The following CCNH variants were observed in gnomAD, a reference collection of about 807,000 sequenced individuals.
CCNH encodes cyclin-H.
CCNH carries 31 observed loss-of-function variants against 41.9 expected under a neutral mutation model. That is an observed-to-expected ratio of 0.74 (90% CI 0.56 to 1.00). The LOEUF is 1.00. Ranked by LOEUF, CCNH falls within the 50% of genes least tolerant of loss-of-function variation. CCNH has a pLI of 0.00. For missense variants in CCNH, 362 were observed against 388.4 expected, an observed-to-expected ratio of 0.93 and a Z score of 0.57; for synonymous variants, 138 against 136.1, an observed-to-expected ratio of 1.01 and a Z score of -0.10.
At chr5:87,349,988 A>G (rs1321442580) in intron 9 of CCNH, among the ~76,000 whole-genome samples, 3 of 151,918 alleles carry the variant, frequency 2.0e-5, no homozygotes, top group Non-Finnish European at 2.9e-5. Flanking sequence ...AGGTTTTCCT[A>G]TAACTAATAA....
At chr5:87,341,448 G>C (rs1235544044) in intron 9 of CCNH, 3 of 479,344 alleles carry the variant, frequency 6.3e-6, no homozygotes, top group South Asian at 1.0e-4. Flanking sequence ...ATTTGGCTTA[G>C]GGAACTGATT....
At chr5:87,318,117 C>T (rs933106979), downstream of CCNH, among the ~76,000 whole-genome samples, 10 of 152,082 alleles carry the variant, frequency 6.6e-5, no homozygotes, top group African/African-American at 2.2e-4. Flanking sequence ...CATTTTGAAG[C>T]GTGCTTTCAT....
intron 9 of CCNH, among the ~76,000 whole-genome samples, chr5:87,334,572 T>G (rs1490609547): frequency 6.6e-6 from 1 of 152,216 alleles, no homozygotes; most frequent in Non-Finnish European, 1.5e-5. Context: ...AGACATAACT[T>G]GCCTTTTTCA....
intron 9 of CCNH, among the ~76,000 whole-genome samples, chr5:87,351,887 G>GTACC (rs1251693286): frequency 1.3e-5 from 2 of 151,686 alleles, no homozygotes; most frequent in Non-Finnish European, 3.0e-5. Context: ...TAACATTGAG[G>GTACC]TGCTACAGTG....
chr5:87,374,168 C>A, downstream of CCNH: 1 of 1,479,666 alleles, frequency 6.8e-7, no homozygotes, highest in Non-Finnish European at 9.0e-7. Context: ...TTTAGGTCAG[C>A]AGCCTTGTTT....
chr5:87,362,714 T>C, intron 9 of CCNH: 1 of 1,582,056 alleles, frequency 6.3e-7, no homozygotes, highest in Non-Finnish European at 8.7e-7. Context: ...ATAGAGACGT[T>C]GTAAATATGG....
rs73156382 is a variant in CCNH, at chr5:87,355,848, C to A, written c.*90+36922G>T. Among the ~76,000 whole-genome samples the A allele has an allele frequency of 1.7e-3, 260 of 152,234 alleles. 1 individual carries two copies. Among genetic ancestry groups the A allele is most frequent in the Middle Eastern group, 0.017 (5 of 294 alleles). On this transcript the variant is annotated intron_variant and NMD_transcript_variant, in intron 9 of 9. Transcript: ENST00000645953. Reference sequence around the variant, plus strand: ...AGCTGATTCCAACTCTTTTGGATAACTTTGAGGGGCTCAAGACTACAAGAT... The same window carrying A: ...AGCTGATTCCAACTCTTTTGGATAAATTTGAGGGGCTCAAGACTACAAGAT...
At chr5:87,376,213 A>C (rs537047054), downstream of CCNH, 36 of 686,850 alleles carry the variant, frequency 5.2e-5, no homozygotes, top group African/African-American at 6.3e-4. Context: ...ATCAGAGTTT[A>C]GTGCACCGTA....
chr5:87,342,170 T>C (rs1172854473), intron 9 of CCNH, among the ~76,000 whole-genome samples: 2 of 151,484 alleles, frequency 1.3e-5, no homozygotes, highest in Admixed American at 6.6e-5. Flanking sequence ...TTCTTTTTTT[T>C]TTTTTTTGAG....
intron 9 of CCNH, chr5:87,383,653 T>A (rs1417334502): frequency 5.5e-6 from 7 of 1,261,274 alleles, no homozygotes; most frequent in Middle Eastern, 2.1e-4. Context: ...ATTGTTTTAA[T>A]GTAACACATT....
At chr5:87,407,317 T>C (rs1201041618) in intron 4 of CCNH, among the ~76,000 whole-genome samples, 1 of 152,188 alleles carries the variant, frequency 6.6e-6, no homozygotes, top group Non-Finnish European at 1.5e-5. Context: ...GTTGAGACTG[T>C]TCCTGTCCTA....
chr5:87,345,204 G>C (rs1333330999), intron 9 of CCNH, among the ~76,000 whole-genome samples: 1 of 151,996 alleles, frequency 6.6e-6, no homozygotes, highest in Admixed American at 6.6e-5. Context: ...CAAACCATGT[G>C]GTTGAAATAT....
At chr5:87,335,205 A>G (rs144087755) in intron 9 of CCNH, among the ~76,000 whole-genome samples, 132 of 152,096 alleles carry the variant, frequency 8.7e-4, no homozygotes, top group African/African-American at 3.1e-3. Context: ...TGTGCACACC[A>G]TTTTCACTTG....
intron 9 of CCNH, among the ~76,000 whole-genome samples, chr5:87,386,108 C>CT (rs775355040): frequency 6.6e-6 from 1 of 151,868 alleles, no homozygotes. Context: ...GGGTACTATA[C>CT]TTTTTTCTTT....
At chr5:87,412,625 G>C (rs1373924966) in intron 1 of CCNH, 53 bp downstream of exon 1, 1 of 1,601,412 alleles carries the variant, frequency 6.2e-7, no homozygotes. Flanking sequence ...AGCTCCCGCA[G>C]CTGCTCAGAA....
chr5:87,331,052 T>C lies in CCNH; in HGVS notation c.*91-12155A>G. 3.2e-6 allele frequency: 4 copies of C among 1,240,542 alleles called. No individual in the cohort carries two copies. In the South Asian group the frequency reaches 6.4e-5, roughly 20 times the overall value. The allele number at this position is 1,240,542 out of a possible 1,614,324, so 76.8% of individuals were successfully genotyped here. A position where few individuals can be genotyped will look rare whatever the true frequency, so the allele number is the denominator to read the frequency against. The stretch of plus-strand genomic sequence containing the variant: ...AAGTAAAGATCTGGTTGCAGTAGTG[T>C]TTATATTTTGAATAGCAGGCAATCC... On this transcript the variant is annotated intron_variant and NMD_transcript_variant, in intron 9 of 9. Transcript: ENST00000645953.
chr5:87,387,289 A>C (rs1762128695), downstream of CCNH, among the ~76,000 whole-genome samples: 1 of 152,116 alleles, frequency 6.6e-6, no homozygotes, highest in East Asian at 1.9e-4. Context: ...AGTTCTGACC[A>C]GGTTAAATAA....
At position 87,409,629 on chromosome 5, in the gene CCNH, C is replaced by CGTGTGTGTGTGT. The variant is rs71610500; in HGVS notation, c.241-278_241-267dup. Among the ~76,000 whole-genome samples, 762 of 146,066 alleles carry CGTGTGTGTGTGT rather than the reference C, an allele frequency of 5.2e-3. 4 individuals carry two copies. Among genetic ancestry groups the CGTGTGTGTGTGT allele is most frequent in the Admixed American group, 9.9e-3 (145 of 14,602 alleles). On this transcript the variant is annotated intron_variant, in intron 2 of 8. Coordinates refer to ENST00000256897, the MANE Select transcript of CCNH (RefSeq NM_001239.4). ...CCTATGGTCACTGGATTTAAAAATA[C>CGTGTGTGTGTGT]GTGTGTGTGTGTGTGTGTGTGTGTG...
At chr5:87,411,675 T>A (rs966436060) in intron 1 of CCNH, among the ~76,000 whole-genome samples, 1 of 152,176 alleles carries the variant, frequency 6.6e-6, no homozygotes, top group African/African-American at 2.4e-5. Flanking sequence ...ACAGACTTTT[T>A]AAAATATGAT....
Sources: gnomAD v4.1 joint callset for allele counts (sites outside exome capture counted in the v4.1 genomes callset) on GRCh38, gnomAD v4.1.1 for gene constraint, MANE v1.5 for transcripts, NCBI Gene and HGNC (gene_info 2026-07-23, HGNC 2026-07-21) for gene names.